Variants in MACROD2 observed in about 807,000 individuals in gnomAD.
MACROD2 encodes the protein mono-ADP ribosylhydrolase 2, also known as ADP-ribose glycohydrolase MACROD2.
MACROD2 carries 36 observed loss-of-function variants against 70.4 expected under a neutral mutation model. The ratio of observed to expected loss-of-function variants is 0.51; its 90% CI spans 0.39 to 0.68. The LOEUF is 0.68. Ranked by LOEUF, MACROD2 falls within the 30% of genes least tolerant of loss-of-function variation. The pLI is 0.00. For synonymous variants in MACROD2, 172 were observed against 178.8 expected, an observed-to-expected ratio of 0.96 and a Z score of 0.30; for missense variants, 496 against 538.4, an observed-to-expected ratio of 0.92 and a Z score of 0.78.
At chr20:15,888,976 A>C (rs943147853) in intron 10 of MACROD2, among the ~76,000 whole-genome samples, 1 of 152,150 alleles carries the variant, frequency 6.6e-6, no homozygotes, top group Non-Finnish European at 1.5e-5. Flanking sequence ...TTCAAATAGA[A>C]AAGCTGGAGG....
chr20:14,259,035 C>T (rs186287751), intron 3 of MACROD2, among the ~76,000 whole-genome samples: 25 of 152,262 alleles, frequency 1.6e-4, no homozygotes, highest in Non-Finnish European at 2.2e-4. Context: ...CTCTGCCTCC[C>T]GGGTTCAAGC....
intron 6 of MACROD2, among the ~76,000 whole-genome samples, chr20:15,286,328 C>T (rs1309839755): frequency 6.6e-6 from 1 of 152,086 alleles, no homozygotes; most frequent in Non-Finnish European, 1.5e-5. Flanking sequence ...TATGGTTTGA[C>T]CCTAAACCAT....
At chr20:15,307,813 G>GTC (rs1416800681) in intron 6 of MACROD2, among the ~76,000 whole-genome samples, 1 of 151,738 alleles carries the variant, frequency 6.6e-6, no homozygotes, top group Non-Finnish European at 1.5e-5. Context: ...TTTCTTTATA[G>GTC]TCTTCTAAAA....
At chr20:14,518,209 C>T (rs1233275946) in intron 4 of MACROD2, among the ~76,000 whole-genome samples, 2 of 150,848 alleles carry the variant, frequency 1.3e-5, no homozygotes, top group Admixed American at 6.6e-5. Flanking sequence ...TTAAAATATC[C>T]ACTATTATTT....
chr20:14,576,519 G>A (rs964588066), intron 4 of MACROD2, among the ~76,000 whole-genome samples: 1 of 152,182 alleles, frequency 6.6e-6, no homozygotes, highest in Non-Finnish European at 1.5e-5. Flanking sequence ...TAATGGCAAA[G>A]TTGCTTTTGG....
At chr20:15,289,294 G>A (rs2077520599) in intron 6 of MACROD2, among the ~76,000 whole-genome samples, 1 of 152,136 alleles carries the variant, frequency 6.6e-6, no homozygotes, top group Admixed American at 6.5e-5. Flanking sequence ...GCATTGTGCT[G>A]GTAGTGACAC....
At chr20:14,340,891 C>T (rs1464513511) in intron 3 of MACROD2, among the ~76,000 whole-genome samples, 1 of 152,162 alleles carries the variant, frequency 6.6e-6, no homozygotes, top group African/African-American at 2.4e-5. Context: ...GTGAGATGTT[C>T]ACTAGTGGAC....
At chr20:15,705,977 T>G (rs757863667) in intron 8 of MACROD2, among the ~76,000 whole-genome samples, 2 of 152,202 alleles carry the variant, frequency 1.3e-5, no homozygotes, top group Non-Finnish European at 2.9e-5. Flanking sequence ...ATTATCCAAG[T>G]CATTTTAAAA....
chr20:14,955,430 G>T (rs2074527618), intron 5 of MACROD2, among the ~76,000 whole-genome samples: 1 of 150,106 alleles, frequency 6.7e-6, no homozygotes, highest in African/African-American at 2.5e-5. Context: ...ATGTTCCATG[G>T]TCTACACACC....
intron 5 of MACROD2, among the ~76,000 whole-genome samples, chr20:14,782,698 C>T (rs1422311399): frequency 6.6e-6 from 1 of 152,068 alleles, no homozygotes; most frequent in Non-Finnish European, 1.5e-5. Context: ...TGGTGATGAC[C>T]GCCTCTCTGC....
intron 6 of MACROD2, among the ~76,000 whole-genome samples, chr20:15,233,795 CCTT>C (rs1244486607): frequency 2.1e-4 from 32 of 150,680 alleles, no homozygotes; most frequent in Admixed American, 6.6e-5. Flanking sequence ...TCCTGATTCT[CCTT>C]CTAATCTTAC....
chr20:14,433,282 G>A (rs2084016705), intron 3 of MACROD2, among the ~76,000 whole-genome samples: 1 of 152,138 alleles, frequency 6.6e-6, no homozygotes, highest in Non-Finnish European at 1.5e-5. Context: ...AGCCCCAGGT[G>A]ACTGAAACAT....
At chr20:14,862,289 TTATATAAATA>T (rs1274734519) in intron 5 of MACROD2, among the ~76,000 whole-genome samples, 3 of 14,306 alleles carry the variant, frequency 2.1e-4, no homozygotes, top group African/African-American at 7.8e-4. Flanking sequence ...TTATATATAT[TTATATAAATA>T]TATATAAATA....
At chr20:15,102,789 A>G (rs2075883002) in intron 5 of MACROD2, among the ~76,000 whole-genome samples, 1 of 152,064 alleles carries the variant, frequency 6.6e-6, no homozygotes, top group Non-Finnish European at 1.5e-5. Flanking sequence ...AAACAACCCA[A>G]ATGTGGCAGG....
rs536872882 is a variant in MACROD2, at chr20:14,230,147, G to A, written c.271+144419G>A. The stretch of plus-strand genomic sequence containing the variant: ...CTCATTGTTGATCAGGGTGATGGTT[G>A]CTGAAGGTTAGGGTGGCTGTGGCAA... On this transcript the variant is annotated intron_variant, in intron 3 of 17. Coordinates refer to ENST00000684519, the MANE Select transcript of MACROD2 (RefSeq NM_001351661.2). Among the ~76,000 whole-genome samples the A allele has an allele frequency of 2.2e-4, 34 of 152,286 alleles. 1 individual carries two copies. The South Asian group carries it at 6.2e-3, about 28-fold the overall frequency.
chr20:14,696,566 G>A (rs6042860), intron 5 of MACROD2, among the ~76,000 whole-genome samples: 2,487 of 151,858 alleles, frequency 0.016, 73 homozygotes, highest in African/African-American at 0.056. Context: ...TTTTAATCAC[G>A]TGCTATTTGT....
rs1490991594 is a variant in MACROD2 at position 16,052,822 on chromosome 20, A to G, written c.*2946A>G. 1 of 152,612 alleles carries G rather than the reference A, an allele frequency of 6.6e-6. No individual in the cohort carries two copies. The highest frequency in any genetic ancestry group is 1.5e-5 in the Non-Finnish European group (1 of 68,036). 9.5% of individuals were successfully genotyped at this position (152,612 alleles called of 1,614,324 possible). A position where few individuals can be genotyped will look rare whatever the true frequency, so the allele number is the denominator to read the frequency against. On this transcript the variant is annotated 3_prime_UTR_variant, in exon 18 of 18. Transcript: ENST00000684519. ...TGAAAAATAACAAAGTTAGCAGAATATGTTCAATATATTTTCTTGGGGAAT... is the reference window on the plus strand; with the variant it reads ...TGAAAAATAACAAAGTTAGCAGAATGTGTTCAATATATTTTCTTGGGGAAT...
At chr20:14,819,775 A>G (rs555165642) in intron 5 of MACROD2, among the ~76,000 whole-genome samples, 55 of 152,218 alleles carry the variant, frequency 3.6e-4, no homozygotes, top group African/African-American at 1.3e-3. Context: ...TGTTCTAGGC[A>G]CTGGGAAGGC....
intron 4 of MACROD2, among the ~76,000 whole-genome samples, chr20:14,662,243 G>A (rs773208087): frequency 5.9e-5 from 9 of 152,034 alleles, no homozygotes; most frequent in African/African-American, 2.2e-4. Flanking sequence ...AGTAGGGAAA[G>A]AATTTATTTA....
Sources: gnomAD v4.1 joint callset for allele counts (sites outside exome capture counted in the v4.1 genomes callset) on GRCh38, gnomAD v4.1.1 for gene constraint, MANE v1.5 for transcripts, NCBI Gene and HGNC (gene_info 2026-07-23, HGNC 2026-07-21) for gene names.